COL22A1: variants seen among roughly 807,000 people sequenced by gnomAD.
The protein encoded by COL22A1 is collagen type XXII alpha 1 chain, also known as collagen alpha-1(XXII) chain.
Under a neutral mutation model 248.9 loss-of-function variants are expected in COL22A1, and 221 were observed. The observed-to-expected ratio is 0.89, with a 90% confidence interval of 0.80 to 0.99. The LOEUF is 0.99. Ranked by LOEUF, COL22A1 falls within the 50% of genes least tolerant of loss-of-function variation. COL22A1 has a pLI of 0.00. For synonymous variants in COL22A1, 891 were observed against 793.4 expected, an observed-to-expected ratio of 1.12 and a Z score of -2.07; for missense variants, 2,240 against 2,179.0, an observed-to-expected ratio of 1.03 and a Z score of -0.56.
At chr8:138,604,532 G>T (rs191957554) in intron 59 of COL22A1, among the ~76,000 whole-genome samples, 1 of 152,336 alleles carries the variant, frequency 6.6e-6, no homozygotes, top group Admixed American at 6.5e-5. Context: ...CGGTGCCCCT[G>T]CACTGGCTAC....
At chr8:138,630,827 G>T in intron 49 of COL22A1, 79 bp from the exon 50 acceptor site, 2 of 1,236,142 alleles carry the variant, frequency 1.6e-6, no homozygotes, top group Non-Finnish European at 1.2e-6. Context: ...TGAATACAAA[G>T]CAATTGATAT....
intron 3 of COL22A1, among the ~76,000 whole-genome samples, chr8:138,866,598 C>T (rs1586921530): frequency 6.6e-6 from 1 of 152,218 alleles, no homozygotes; most frequent in African/African-American, 2.4e-5. Flanking sequence ...TGGCATGACC[C>T]TAGTCAATGA....
intron 44 of COL22A1, among the ~76,000 whole-genome samples, chr8:138,658,701 A>G (rs1564154825): frequency 1.3e-5 from 2 of 152,202 alleles, no homozygotes; most frequent in African/African-American, 2.4e-5. Context: ...TGCCATGAGC[A>G]TAACAGCTTT....
rs372812324 is a variant in COL22A1 at position 138,836,823 on chromosome 8, G to A, written c.734-3673C>T. ...AGTTAATTTGAATGTGCAATTGTAC[G>A]CAGTGAAGAATCCCTCCGTTCAGTA... On this transcript the variant is annotated intron_variant, in intron 4 of 64. Coordinates refer to ENST00000303045, the MANE Select transcript of COL22A1 (RefSeq NM_152888.3). Among the ~76,000 whole-genome samples the A allele has an allele frequency of 7.2e-5, 11 of 152,188 alleles. No homozygotes were observed. The East Asian group carries it at 7.7e-4, about 11-fold the overall frequency.
At chr8:138,877,729 A>C (rs4736255) in intron 3 of COL22A1, 21 bp downstream of exon 3, 1 of 1,548,880 alleles carries the variant, frequency 6.5e-7, no homozygotes, top group Non-Finnish European at 8.7e-7. Flanking sequence ...GAGGGGCCGC[A>C]TGGGGCCCGG....
intron 52 of COL22A1, 31 bp from the exon 53 acceptor site, chr8:138,619,539 G>C: frequency 6.3e-7 from 1 of 1,598,378 alleles, no homozygotes; most frequent in Non-Finnish European, 8.6e-7. Flanking sequence ...AAGAGTTTGA[G>C]GACAACATTG....
chr8:138,650,707 TAGATAGATAGAC>T (rs1286993056), intron 45 of COL22A1, among the ~76,000 whole-genome samples: 13 of 146,254 alleles, frequency 8.9e-5, no homozygotes, highest in African/African-American at 3.3e-4. Context: ...GATAGATAGA[TAGATAGATAGAC>T]AGATAGACAG....
intron 44 of COL22A1, among the ~76,000 whole-genome samples, chr8:138,657,744 G>C (rs971438688): frequency 1.3e-5 from 2 of 152,076 alleles, no homozygotes; most frequent in Non-Finnish European, 2.9e-5. Flanking sequence ...ACAGTGTGGG[G>C]ATGTAGATGC....
intron 3 of COL22A1, among the ~76,000 whole-genome samples, chr8:138,850,248 G>A (rs1821530439): frequency 6.6e-6 from 1 of 152,168 alleles, no homozygotes; most frequent in Admixed American, 6.5e-5. Flanking sequence ...CAGATCCTCT[G>A]GCTGTTCAAT....
intron 17 of COL22A1, among the ~76,000 whole-genome samples, chr8:138,761,599 T>C (rs1380511226): frequency 4.6e-5 from 7 of 151,862 alleles, no homozygotes; most frequent in African/African-American, 1.4e-4. Flanking sequence ...ATTTTATCTA[T>C]GGTTTCATTT....
At chr8:138,640,035 C>T (rs1821529882) in intron 47 of COL22A1, among the ~76,000 whole-genome samples, 1 of 152,228 alleles carries the variant, frequency 6.6e-6, no homozygotes, top group Non-Finnish European at 1.5e-5. Flanking sequence ...CTTATCTTGA[C>T]AACACGTATG....
At chr8:138,705,828 C>G (rs1453825759) in intron 30 of COL22A1, among the ~76,000 whole-genome samples, 1 of 152,162 alleles carries the variant, frequency 6.6e-6, no homozygotes, top group Admixed American at 6.5e-5. Flanking sequence ...TTAAAAGACA[C>G]AGACTGGCAA....
intron 22 of COL22A1, among the ~76,000 whole-genome samples, chr8:138,743,017 TGTGATA>T (rs1279163023): frequency 7.2e-6 from 1 of 139,766 alleles, no homozygotes; most frequent in Non-Finnish European, 1.5e-5. Context: ...TAGTAGTGAT[TGTGATA>T]GTAGAGTTGA....
intron 3 of COL22A1, among the ~76,000 whole-genome samples, chr8:138,865,159 A>G (rs1218143698): frequency 6.6e-6 from 1 of 152,260 alleles, no homozygotes; most frequent in Non-Finnish European, 1.5e-5. Context: ...GACAGTCAAA[A>G]TGCAGACAGA....
chr8:138,654,305 T>C (rs1823018231), intron 45 of COL22A1, among the ~76,000 whole-genome samples: 1 of 152,168 alleles, frequency 6.6e-6, no homozygotes. Flanking sequence ...TTTCTTGTCA[T>C]GTCCTTGAAT....
chr8:138,889,476 C>G (rs1824896373), intron 1 of COL22A1, among the ~76,000 whole-genome samples: 1 of 152,104 alleles, frequency 6.6e-6, no homozygotes, highest in Admixed American at 6.5e-5. Flanking sequence ...AAAAACCAAA[C>G]ACCGCATGTT....
intron 18 of COL22A1, among the ~76,000 whole-genome samples, chr8:138,758,480 A>T (rs1317577829): frequency 6.6e-6 from 1 of 152,228 alleles, no homozygotes; most frequent in Admixed American, 6.5e-5. Context: ...ATCACCTGAT[A>T]TTTAGATCTG....
chr8:138,747,759 G>A (rs1333032370), intron 22 of COL22A1, among the ~76,000 whole-genome samples: 2 of 152,108 alleles, frequency 1.3e-5, no homozygotes, highest in African/African-American at 2.4e-5. Context: ...GTACCCAGTA[G>A]ATACAGAAGA....
chr8:138,855,610 A>G (rs1432223022), intron 3 of COL22A1, among the ~76,000 whole-genome samples: 1 of 152,200 alleles, frequency 6.6e-6, no homozygotes, highest in Non-Finnish European at 1.5e-5. Flanking sequence ...ACCCCTGTGC[A>G]GTAGCTCTTT....
Sources: gnomAD v4.1 joint callset for allele counts (sites outside exome capture counted in the v4.1 genomes callset) on GRCh38, gnomAD v4.1.1 for gene constraint, MANE v1.5 for transcripts, NCBI Gene and HGNC (gene_info 2026-07-23, HGNC 2026-07-21) for gene names.